The following ORC3 variants were observed in gnomAD, a reference collection of about 807,000 sequenced individuals.
The protein encoded by ORC3 is origin recognition complex subunit 3, also known as homolog of latheo, Drosophila.
ORC3 carries 78 observed loss-of-function variants against 100.7 expected under a neutral mutation model. That is an observed-to-expected ratio of 0.77 (90% CI 0.65 to 0.94). ORC3 has a LOEUF of 0.94. ORC3 is among the 40% of genes least tolerant of loss of function. The pLI, the probability that ORC3 is intolerant of heterozygous loss-of-function variation, is 0.00. For missense variants in ORC3, 789 were observed against 823.9 expected, an observed-to-expected ratio of 0.96 and a Z score of 0.52; for synonymous variants, 295 against 289.3, an observed-to-expected ratio of 1.02 and a Z score of -0.20.
chr6:87,645,470 GCTT>G (rs1035332324), intron 13 of ORC3, among the ~76,000 whole-genome samples: 51 of 152,178 alleles, frequency 3.4e-4, no homozygotes, highest in African/African-American at 1.1e-3. Flanking sequence ...ATTTTTACAT[GCTT>G]CTTAATTTTT....
intron 1 of ORC3, among the ~76,000 whole-genome samples, chr6:87,593,854 G>C (rs965662110): frequency 6.6e-6 from 1 of 152,098 alleles, no homozygotes; most frequent in South Asian, 2.1e-4. Context: ...ACACCAACAC[G>C]CCTGGCTAAT....
intron 7 of ORC3, among the ~76,000 whole-genome samples, chr6:87,610,851 C>T (rs1304917103): frequency 7.5e-6 from 1 of 133,370 alleles, no homozygotes; most frequent in Non-Finnish European, 1.6e-5. Context: ...CCGCGCCCGG[C>T]CTACTAATAT....
At chr6:87,602,735 A>G (rs919152267) in intron 3 of ORC3, among the ~76,000 whole-genome samples, 1 of 151,452 alleles carries the variant, frequency 6.6e-6, no homozygotes, top group Non-Finnish European at 1.5e-5. Context: ...CAAATTAGAA[A>G]AGACCCTTTT....
At chr6:87,618,625 A>G (rs1466488027) in intron 9 of ORC3, among the ~76,000 whole-genome samples, 1 of 152,210 alleles carries the variant, frequency 6.6e-6, no homozygotes, top group Non-Finnish European at 1.5e-5. Flanking sequence ...GAGATCTGTT[A>G]GAATGCTATT....
At chr6:87,656,863 G>A (rs1191204145) in intron 14 of ORC3, 43 bp from the exon 15 acceptor site, 1 of 1,374,134 alleles carries the variant, frequency 7.3e-7, no homozygotes, top group Admixed American at 1.8e-5. Context: ...CCTTGACTTG[G>A]ATTTACCCTC....
intron 14 of ORC3, among the ~76,000 whole-genome samples, chr6:87,654,462 A>C (rs1263854026): frequency 6.6e-6 from 1 of 152,224 alleles, no homozygotes; most frequent in Non-Finnish European, 1.5e-5. Flanking sequence ...GGATGTTGGT[A>C]TCATTAAGAT....
At chr6:87,675,797 A>T in the ORC3 span, 1 of 1,511,188 alleles carries the variant, frequency 6.6e-7, no homozygotes, top group Non-Finnish European at 9.1e-7. Context: ...AAATAATTAT[A>T]ATGTCTTCTC....
At chr6:87,622,043 T>C (rs901144582) in intron 11 of ORC3, 30 bp downstream of exon 11, 2 of 1,438,294 alleles carry the variant, frequency 1.4e-6, no homozygotes, top group Non-Finnish European at 1.9e-6. Context: ...TCAGTTTCAT[T>C]CTCTTTTTCC....
At chr6:87,652,232 C>A (rs939991849) in intron 13 of ORC3, among the ~76,000 whole-genome samples, 1 of 152,120 alleles carries the variant, frequency 6.6e-6, no homozygotes, top group Non-Finnish European at 1.5e-5. Context: ...GTTTTAATGA[C>A]TTAGATGCAT....
chr6:87,604,620 C>G (rs1189857123), intron 4 of ORC3, among the ~76,000 whole-genome samples: 2 of 152,114 alleles, frequency 1.3e-5, no homozygotes, highest in Non-Finnish European at 2.9e-5. Context: ...TAGACAAGTT[C>G]ATTGTTTTAT....
chr6:87,653,334 C>G, intron 14 of ORC3, 85 bp downstream of exon 14: 1 of 1,288,344 alleles, frequency 7.8e-7, no homozygotes, highest in South Asian at 1.4e-5. Context: ...TTCTGATGTG[C>G]TTAGAGATAA....
At chr6:87,655,041 A>G (rs1369936030) in intron 14 of ORC3, among the ~76,000 whole-genome samples, 1 of 152,124 alleles carries the variant, frequency 6.6e-6, no homozygotes, top group African/African-American at 2.4e-5. Context: ...GTGACTCATT[A>G]TTAATAATAA....
chr6:87,594,352 G>A lies in ORC3; in HGVS notation c.25-1G>A, dbSNP rs749710336. The A allele has an allele frequency of 6.3e-7, 1 of 1,578,322 alleles. No homozygotes were observed. Among genetic ancestry groups the A allele is most frequent in the Non-Finnish European group, 8.7e-7 (1 of 1,155,078 alleles). ...TATGCTTTTCGTCTTTCTTTTTATA[G>A]GGTTGCTTTGTTTTTAAGCCAAACT... On this transcript the variant is annotated splice_acceptor_variant, in intron 1 of 19. Coordinates refer to ENST00000392844, the MANE Select transcript of ORC3 (RefSeq NM_012381.4). LOFTEE classifies it high-confidence loss of function.
intron 1 of ORC3, among the ~76,000 whole-genome samples, chr6:87,593,759 C>T (rs529483941): frequency 1.3e-5 from 2 of 152,338 alleles, no homozygotes; most frequent in East Asian, 1.9e-4. Context: ...TGCAATGGCA[C>T]GATCTCAGCC....
intron 1 of ORC3, among the ~76,000 whole-genome samples, chr6:87,593,552 G>A (rs996286617): frequency 2.2e-4 from 33 of 152,320 alleles, no homozygotes; most frequent in African/African-American, 7.9e-4. Flanking sequence ...GGATAAATGA[G>A]TAGGCATTTA....
downstream of ORC3, among the ~76,000 whole-genome samples, chr6:87,668,719 G>A (rs958113924): frequency 2.6e-5 from 4 of 152,076 alleles, no homozygotes; most frequent in African/African-American, 7.2e-5. Flanking sequence ...ACAGCAGCTC[G>A]CGCCTGTAAT....
At position 87,607,842 on chromosome 6, in the gene ORC3, A is replaced by G; in HGVS notation, c.579+18A>G. ...TCACACAGGTAGATATAAACTGATG[A>G]TTTTCTCCCAGGAAATTGACGTATG... On this transcript the variant is annotated intron_variant, in intron 6 of 19. Coordinates refer to ENST00000392844, the MANE Select transcript of ORC3 (RefSeq NM_012381.4). 5.7e-6 allele frequency: 9 copies of G among 1,578,504 alleles called. No individual in the cohort carries two copies. Among genetic ancestry groups the G allele is most frequent in the Middle Eastern group, 1.7e-4 (1 of 5,948 alleles).
Position 87,656,965 on chromosome 6 carries a change from C to G in ORC3, c.1576C>G (p.Leu526Val). The part of the protein sequence containing the change: ...SQPKGLQKTD[L>V]YHLQKSLLEM... ...GCCAAAGGGGCTTCAGAAGACAGAC[C>G]TCTATCATCTTCAGAAGGTCAGGTC... Residue 526 changes from leucine (L) to valine (V), a missense_variant, in exon 15 of 20, where the codon CTC becomes GTC. Transcript: ENST00000392844. 1 of 1,609,356 alleles carries G rather than the reference C, an allele frequency of 6.2e-7. No individual in the cohort carries two copies. The highest frequency in any genetic ancestry group is 8.5e-7 in the Non-Finnish European group (1 of 1,175,736).
Position 87,603,518 on chromosome 6 carries a change from T to A in ORC3, c.312T>A (p.Ala104=). 1 of 1,515,864 alleles carries A rather than the reference T, an allele frequency of 6.6e-7. No individual in the cohort carries two copies. Among genetic ancestry groups the A allele is most frequent in the South Asian group, 1.3e-5 (1 of 76,078 alleles). 93.9% of individuals were successfully genotyped at this position (1,515,864 alleles called of 1,614,324 possible). A position where few individuals can be genotyped will look rare whatever the true frequency, so the allele number is the denominator to read the frequency against. The change falls in exon 4 of 20, where the codon GCT becomes GCA. Residue 104 remains alanine (A), a synonymous_variant. Transcript: ENST00000392844. The part of the protein sequence containing the change: ...QIKLREIPTA[A]LVLGVNVTDH... ...AACTCAGAGAAATTCCAACTGCTGC[T>A]CTTGTTCTTGGTATATATGCGTATG...
Sources: allele counts gnomAD v4.1 joint callset (sites outside exome capture counted in the v4.1 genomes callset), GRCh38; gene constraint gnomAD v4.1.1; transcripts MANE v1.5; gene names NCBI Gene and HGNC (gene_info 2026-07-23, HGNC 2026-07-21).